TMEM209: variants seen among roughly 807,000 people sequenced by gnomAD.
The protein encoded by TMEM209 is transmembrane protein 209.
TMEM209 carries 65 observed loss-of-function variants against 76.2 expected under a neutral mutation model. That is an observed-to-expected ratio of 0.85 (90% CI 0.70 to 1.05). The LOEUF is 1.05. TMEM209 is among the 50% of genes least tolerant of loss of function. The pLI, the probability that TMEM209 is intolerant of heterozygous loss-of-function variation, is 0.00. For synonymous variants in TMEM209, 239 were observed against 237.6 expected, an observed-to-expected ratio of 1.01 and a Z score of -0.06; for missense variants, 623 against 685.5, an observed-to-expected ratio of 0.91 and a Z score of 1.02.
intron 8 of TMEM209, among the ~76,000 whole-genome samples, chr7:130,182,672 ATG>A (rs1330666603): frequency 1.3e-5 from 2 of 152,166 alleles, no homozygotes; most frequent in African/African-American, 4.8e-5. Context: ...TATTTTGTGT[ATG>A]TGTTTGTAGC....
At chr7:130,166,565 T>C in intron 14 of TMEM209, 60 bp from the exon 15 acceptor site, 1 of 1,135,956 alleles carries the variant, frequency 8.8e-7, no homozygotes, top group Non-Finnish European at 1.2e-6. Context: ...GGTCTTTTTC[T>C]AATAACAAAA....
At position 130,165,225 on chromosome 7, in the gene TMEM209, C is replaced by T. The variant is rs984302801; in HGVS notation, c.*1226G>A. The T allele has an allele frequency of 6.6e-6, 1 of 152,174 alleles. No homozygotes were observed. The highest frequency in any genetic ancestry group is 2.1e-4 in the South Asian group (1 of 4,814). The allele number at this position is 152,174 out of a possible 1,614,324, so 9.4% of individuals were successfully genotyped here. On this transcript the variant is annotated 3_prime_UTR_variant, in exon 15 of 15. Transcript: ENST00000397622. ...CAGAAAAGACTAGTTTCAGCTGTTT[C>T]CAGGTTTACATAAGATGATGGAAGC...
intron 5 of TMEM209, among the ~76,000 whole-genome samples, chr7:130,200,815 G>A (rs892835988): frequency 2.0e-5 from 3 of 152,050 alleles, no homozygotes; most frequent in African/African-American, 7.2e-5. Context: ...CCAGTAGTAT[G>A]GAATTTCATT....
At chr7:130,194,026 G>A (rs767698709) in intron 5 of TMEM209, among the ~76,000 whole-genome samples, 4 of 151,660 alleles carry the variant, frequency 2.6e-5, no homozygotes, top group Non-Finnish European at 5.9e-5. Context: ...GTGAAACCCC[G>A]TCTCTACTAA....
At chr7:130,203,704 A>T in intron 3 of TMEM209, 84 bp downstream of exon 3, 1 of 1,198,396 alleles carries the variant, frequency 8.3e-7, no homozygotes, top group Admixed American at 2.5e-5. Flanking sequence ...CTTGTTGAAT[A>T]AGGAAATGTA....
chr7:130,194,421 TGATAAA>T (rs1316504472), intron 5 of TMEM209, among the ~76,000 whole-genome samples: 2 of 151,720 alleles, frequency 1.3e-5, no homozygotes, highest in African/African-American at 4.8e-5. Context: ...CCAGCCTGGG[TGATAAA>T]GAGCAAGACC....
intron 14 of TMEM209, 63 bp from the exon 15 acceptor site, chr7:130,166,568 T>C: frequency 9.2e-7 from 1 of 1,087,456 alleles, no homozygotes; most frequent in Non-Finnish European, 1.3e-6. Flanking sequence ...CTTTTTCTAA[T>C]AACAAAAAAC....
chr7:130,195,695 T>C lies in TMEM209; in HGVS notation c.574-2872A>G, dbSNP rs188838676. ...CATTATTTAATTTACAACTTTCACA[T>C]TGTCCTATTTGTTTTTATGTTTTTT... On this transcript the variant is annotated intron_variant, in intron 5 of 14. Coordinates refer to ENST00000397622, the MANE Select transcript of TMEM209 (RefSeq NM_032842.4). 1.9e-3 allele frequency among the ~76,000 whole-genome samples: 284 copies of C among 152,260 alleles called. 4 individuals are homozygous for C. The highest frequency in any genetic ancestry group is 3.4e-3 in the Middle Eastern group (1 of 294).
intron 6 of TMEM209, among the ~76,000 whole-genome samples, chr7:130,191,586 T>A (rs1178752203): frequency 6.6e-6 from 1 of 151,714 alleles, no homozygotes; most frequent in Non-Finnish European, 1.5e-5. Context: ...AATTGATAGG[T>A]ACAGATCAGA....
chr7:130,166,442 T>C lies in TMEM209; in HGVS notation c.*9A>G, dbSNP rs759910565. The C allele has an allele frequency of 1.9e-6, 3 of 1,543,862 alleles. No individual in the cohort carries two copies. The highest frequency in any genetic ancestry group is 2.7e-5 in the African/African-American group (2 of 72,754). On this transcript the variant is annotated 3_prime_UTR_variant, in exon 15 of 15. Transcript: ENST00000397622. ...ATAGTCTAAATGTCAGAATTAAATA[T>C]ATGACTTGCTACTCGCCAAAGATCC...
intron 9 of TMEM209, among the ~76,000 whole-genome samples, chr7:130,180,927 T>C (rs1797390112): frequency 6.6e-6 from 1 of 152,044 alleles, no homozygotes; most frequent in African/African-American, 2.4e-5. Flanking sequence ...TTAGTCAGAG[T>C]TACCATACAG....
intron 14 of TMEM209, 47 bp downstream of exon 14, chr7:130,170,353 G>T: frequency 6.7e-7 from 1 of 1,499,174 alleles, no homozygotes; most frequent in South Asian, 1.2e-5. Context: ...AACATAGGAA[G>T]AAAATCAGTA....
Position 130,192,816 on chromosome 7 carries a change from C to G in TMEM209, c.581G>C (p.Ser194Thr), listed in dbSNP as rs201333876. ...SPVSGYNKLA[S>T]FSPSPPSPYP... Reference sequence around the variant, plus strand: ...CGGAGAAGGAGGAGAGGGGCTAAAGCTCGCCAACTATACAAAATAAAAGAT... The same window carrying G: ...CGGAGAAGGAGGAGAGGGGCTAAAGGTCGCCAACTATACAAAATAAAAGAT... The change falls in exon 6 of 15, where the codon AGC (serine) becomes ACC (threonine). Residue 194 changes from serine (S) to threonine (T), a missense_variant. Coordinates refer to ENST00000397622, the MANE Select transcript of TMEM209 (RefSeq NM_032842.4). 152 of 1,613,704 alleles carry G rather than the reference C, an allele frequency of 9.4e-5. 1 individual carries two copies. In the African/African-American group the frequency reaches 1.9e-3, roughly 20 times the overall value.
At chr7:130,204,504 A>C (rs1434391226) in intron 1 of TMEM209, among the ~76,000 whole-genome samples, 3 of 151,936 alleles carry the variant, frequency 2.0e-5, no homozygotes, top group Non-Finnish European at 2.9e-5. Flanking sequence ...ACCGCGTCCG[A>C]CTGATTTTTG....
chr7:130,196,057 T>G (rs1414762584), intron 5 of TMEM209, among the ~76,000 whole-genome samples: 1 of 152,148 alleles, frequency 6.6e-6, no homozygotes, highest in Non-Finnish European at 1.5e-5. Context: ...GGATTAGAAT[T>G]AGCTGTTCAT....
At chr7:130,201,796 GT>G in intron 5 of TMEM209, 53 bp downstream of exon 5, 1 of 1,600,918 alleles carries the variant, frequency 6.2e-7, no homozygotes, top group Non-Finnish European at 8.5e-7. Flanking sequence ...ATGATTTTTA[GT>G]ATACCTCTCA....
chr7:130,188,591 G>GT (rs1350147082), intron 6 of TMEM209, among the ~76,000 whole-genome samples: 1 of 90,886 alleles, frequency 1.1e-5, no homozygotes, highest in African/African-American at 4.5e-5. Context: ...GTGAGACTCC[G>GT]TATCAAAAAA....
intron 6 of TMEM209, among the ~76,000 whole-genome samples, chr7:130,187,822 G>A (rs1356409343): frequency 6.6e-6 from 1 of 152,028 alleles, no homozygotes; most frequent in African/African-American, 2.4e-5. Context: ...CCTGACAGAG[G>A]CAAATACAAA....
intron 6 of TMEM209, among the ~76,000 whole-genome samples, chr7:130,188,800 A>G (rs1164012512): frequency 6.6e-6 from 1 of 152,110 alleles, no homozygotes; most frequent in East Asian, 1.9e-4. Context: ...ACAAAGAGAC[A>G]AAGCAGCATC....
Sources: allele counts gnomAD v4.1 joint callset (sites outside exome capture counted in the v4.1 genomes callset), GRCh38; gene constraint gnomAD v4.1.1; transcripts MANE v1.5; gene names NCBI Gene and HGNC (gene_info 2026-07-23, HGNC 2026-07-21).